Variants in NTM observed in about 807,000 individuals in gnomAD.
NTM encodes neurotrimin.
Under a neutral mutation model 42.1 loss-of-function variants are expected in NTM, and 13 were observed. The ratio of observed to expected loss-of-function variants is 0.31; its 90% CI spans 0.20 to 0.49. NTM has a LOEUF of 0.49. Among genes scored for constraint, NTM ranks in the 20% least tolerant of loss-of-function variants. The pLI is 0.99. For synonymous variants in NTM, 187 were observed against 179.2 expected (o/e 1.04, Z -0.35); for missense variants, 373 against 452.8 (o/e 0.82, Z 1.60).
chr11:131,612,522 A>G (rs917926574), intron 1 of NTM, among the ~76,000 whole-genome samples: 3 of 152,244 alleles, frequency 2.0e-5, no homozygotes, highest in Non-Finnish European at 4.4e-5. Context: ...AAGTCTATCC[A>G]AAAGGGTGCA....
chr11:131,720,187 T>C lies in NTM; in HGVS notation c.83-191377T>C, dbSNP rs541709334. 1.9e-4 allele frequency among the ~76,000 whole-genome samples: 29 copies of C among 152,332 alleles called. No homozygotes were observed. In the South Asian group the frequency reaches 6.0e-3, roughly 32 times the overall value. ...ACATACATTGTGCCAGGTAGTGTGC[T>C]AGGTGCTTGACATAAGGTACTGCAT... On this transcript the variant is annotated intron_variant, in intron 1 of 8. Transcript: ENST00000683400.
At chr11:132,330,325 C>A (rs1037288795) in intron 8 of NTM, 140 bp downstream of exon 8, 3 of 887,930 alleles carry the variant, frequency 3.4e-6, no homozygotes, top group Non-Finnish European at 5.1e-6. Flanking sequence ...CTTCAACCAT[C>A]TCCGTGTCAA....
At chr11:131,952,678 C>T (rs537106004) in intron 2 of NTM, among the ~76,000 whole-genome samples, 33 of 152,060 alleles carry the variant, frequency 2.2e-4, no homozygotes, top group Non-Finnish European at 4.0e-4. Context: ...TTTTTTTCAA[C>T]TTAAAGACTG....
intron 2 of NTM, among the ~76,000 whole-genome samples, chr11:132,051,656 C>G (rs1418810143): frequency 1.3e-5 from 2 of 152,160 alleles, no homozygotes; most frequent in African/African-American, 4.8e-5. Flanking sequence ...GCACAGGATG[C>G]CAAGAGCCCC....
intron 1 of NTM, among the ~76,000 whole-genome samples, chr11:131,422,980 A>G (rs1332694517): frequency 1.3e-5 from 2 of 152,340 alleles, no homozygotes; most frequent in South Asian, 4.1e-4. Context: ...TTTGCTGAGC[A>G]TTTATTATGT....
intron 3 of NTM, among the ~76,000 whole-genome samples, chr11:132,207,889 C>A (rs2082223709): frequency 6.6e-6 from 1 of 152,164 alleles, no homozygotes; most frequent in South Asian, 2.1e-4. Context: ...CGTGATTCAC[C>A]ATTCTGTGTC....
intron 1 of NTM, among the ~76,000 whole-genome samples, chr11:131,459,513 GAATT>G (rs747119097): frequency 4.6e-5 from 7 of 151,972 alleles, no homozygotes; most frequent in African/African-American, 9.7e-5. Context: ...AGAAAAAAAA[GAATT>G]AATAGGATGA....
intron 1 of NTM, among the ~76,000 whole-genome samples, chr11:131,432,822 G>T (rs1948756754): frequency 1.6e-5 from 2 of 126,166 alleles, no homozygotes; most frequent in South Asian, 2.5e-4. Context: ...TACTACAAAA[G>T]ATGAAGATTT....
chr11:131,954,563 G>A (rs1340733750), intron 2 of NTM, among the ~76,000 whole-genome samples: 3 of 152,320 alleles, frequency 2.0e-5, no homozygotes, highest in African/African-American at 4.8e-5. Flanking sequence ...GGGAACCTGC[G>A]TGTCTGATTG....
At chr11:131,688,179 G>A (rs115146416) in intron 1 of NTM, among the ~76,000 whole-genome samples, 2,985 of 152,234 alleles carry the variant, frequency 0.02, 98 homozygotes, top group African/African-American at 0.068. Flanking sequence ...GAGGGCACCC[G>A]CGCCCCCCGA....
intron 1 of NTM, among the ~76,000 whole-genome samples, chr11:131,803,222 G>A (rs1591967333): frequency 1.3e-5 from 2 of 151,992 alleles, no homozygotes; most frequent in African/African-American, 4.8e-5. Context: ...GCATCTTCAC[G>A]CTTCTTCATC....
chr11:131,525,040 G>A (rs2050266530), intron 1 of NTM, among the ~76,000 whole-genome samples: 1 of 152,050 alleles, frequency 6.6e-6, no homozygotes, highest in Admixed American at 6.5e-5. Context: ...AGTAATTTCT[G>A]AATGGAGTAA....
intron 4 of NTM, among the ~76,000 whole-genome samples, chr11:132,243,875 G>C (rs779419899): frequency 1.3e-5 from 2 of 152,182 alleles, no homozygotes; most frequent in Non-Finnish European, 2.9e-5. Context: ...GCATGGCCCT[G>C]AGCCCTCACA....
chr11:131,730,171 A>C (rs912420922), intron 1 of NTM, among the ~76,000 whole-genome samples: 2 of 152,090 alleles, frequency 1.3e-5, no homozygotes, highest in Admixed American at 1.3e-4. Context: ...TTTGACTTCC[A>C]TTTCCCTAAT....
intron 4 of NTM, among the ~76,000 whole-genome samples, chr11:132,240,365 C>A (rs956718035): frequency 6.6e-6 from 1 of 152,152 alleles, no homozygotes; most frequent in Admixed American, 6.5e-5. Flanking sequence ...TGGAATCTAG[C>A]AGAAAGCTCA....
intron 2 of NTM, among the ~76,000 whole-genome samples, chr11:132,102,051 G>A (rs1439006539): frequency 3.3e-5 from 5 of 152,208 alleles, no homozygotes; most frequent in Admixed American, 1.3e-4. Flanking sequence ...CCTGCTTCAC[G>A]CCTCTAAGTC....
At chr11:131,466,088 G>A (rs1387073687) in intron 1 of NTM, among the ~76,000 whole-genome samples, 1 of 152,238 alleles carries the variant, frequency 6.6e-6, no homozygotes, top group East Asian at 1.9e-4. Context: ...GAGAAGAGCA[G>A]CATGTGAGCA....
chr11:131,702,673 A>T (rs1039297800), intron 1 of NTM, among the ~76,000 whole-genome samples: 1 of 152,220 alleles, frequency 6.6e-6, no homozygotes, highest in Non-Finnish European at 1.5e-5. Context: ...TTCCCAAGTG[A>T]CTATTGTTTT....
rs183979995 is a variant in NTM at position 131,458,858 on chromosome 11, T to C, written c.82+87970T>C. Among the ~76,000 whole-genome samples the C allele has an allele frequency of 1.5e-3, 225 of 152,384 alleles. 1 individual carries two copies. Among genetic ancestry groups the C allele is most frequent in the African/African-American group, 5.0e-3 (210 of 41,592 alleles). On this transcript the variant is annotated intron_variant, in intron 1 of 8. Transcript: ENST00000683400. ...TTTCTGGGTTCCACTCAAGAGCTTG[T>C]GTTTCCGTAGGTTTGTAGTCCAAGC...
Sources: gnomAD v4.1 joint callset for allele counts (sites outside exome capture counted in the v4.1 genomes callset) on GRCh38, gnomAD v4.1.1 for gene constraint, MANE v1.5 for transcripts, NCBI Gene and HGNC (gene_info 2026-07-23, HGNC 2026-07-21) for gene names.